CAMTA1: variants seen among roughly 807,000 people sequenced by gnomAD.
CAMTA1 encodes calmodulin-binding transcription activator 1.
CAMTA1 carries 27 observed loss-of-function variants against 170.9 expected under a neutral mutation model. That is an observed-to-expected ratio of 0.16 (90% CI 0.12 to 0.22). CAMTA1 has a LOEUF of 0.22. CAMTA1 is among the 10% of genes least tolerant of loss of function. The probability of loss-of-function intolerance (pLI) is 1.00; values close to 1 mark genes in which losing one functional copy is unlikely to be tolerated. For synonymous variants in CAMTA1, 833 were observed against 891.5 expected (o/e 0.93, Z 1.17); for missense variants, 1,619 against 2,217.2 (o/e 0.73, Z 5.42).
At chr1:7,232,401 G>A (rs541318918) in intron 4 of CAMTA1, among the ~76,000 whole-genome samples, 1 of 152,334 alleles carries the variant, frequency 6.6e-6, no homozygotes, top group East Asian at 1.9e-4. Context: ...CATGATTTAC[G>A]TCCGAGTGCG....
At position 7,752,508 on chromosome 1, in the gene CAMTA1, A is replaced by C; in HGVS notation, c.4933A>C (p.Arg1645=). The part of the protein sequence containing the change: ...KQDQAARKIM[R]FLRRCRHSPL... ...GGATCAAGCTGCTCGAAAAATAATGAGGTTTCTTCGCCGCTGTCGCCACAG... is the reference window on the plus strand; with the variant it reads ...GGATCAAGCTGCTCGAAAAATAATGCGGTTTCTTCGCCGCTGTCGCCACAG... The change falls in exon 21 of 23, where the codon AGG becomes CGG. Residue 1645 remains arginine (R), a synonymous_variant. Coordinates refer to ENST00000303635, the MANE Select transcript of CAMTA1 (RefSeq NM_015215.4). The C allele has an allele frequency of 1.2e-6, 2 of 1,611,734 alleles. No homozygotes were observed. Among genetic ancestry groups the C allele is most frequent in the Non-Finnish European group, 1.7e-6 (2 of 1,178,958 alleles).
At position 7,745,982 on chromosome 1, in the gene CAMTA1, C is replaced by A; in HGVS notation, c.4508C>A (p.Thr1503Asn). 1.2e-6 allele frequency: 2 copies of A among 1,614,190 alleles called. No homozygotes were observed. The highest frequency in any genetic ancestry group is 1.7e-6 in the Non-Finnish European group (2 of 1,180,042). ...TGGTCAGAATTCCTGAGTGCATCTA[C>A]CAGTGAGAAGGTAGAGAATGAGTTT... ...ADWSEFLSAS[T>N]SEKVENEFAQ... The change falls in exon 18 of 23, where the codon ACC becomes AAC. Residue 1503 changes from threonine (T) to asparagine (N), a missense_variant. Coordinates refer to ENST00000303635, the MANE Select transcript of CAMTA1 (RefSeq NM_015215.4).
intron 5 of CAMTA1, among the ~76,000 whole-genome samples, chr1:7,398,181 CTCTCTCTCTCTCTATATATA>C (rs1340962215): frequency 7.0e-4 from 32 of 45,552 alleles, no homozygotes; most frequent in African/African-American, 2.7e-3. Context: ...CTCTCTCTCT[CTCTCTCTCTCTCTATATATA>C]TATATATATA....
rs1200192825 is a variant in CAMTA1 at position 7,766,475 on chromosome 1, A to C, written c.5006A>C (p.Lys1669Thr). The change falls in exon 23 of 23, where the codon AAA becomes ACA. Residue 1669 changes from lysine (K) to threonine (T), a missense_variant. Physicochemically the swap from Lys to Thr is moderately conservative, Grantham distance 78. Coordinates refer to ENST00000303635, the MANE Select transcript of CAMTA1 (RefSeq NM_015215.4). ...RLYKRSERIE[K>T]GQGT Reference sequence around the variant, plus strand: ...CTCTTCCAGAGTGAAAGAATTGAAAAAGGCCAAGGAACTTGAAGACATACA... The same window carrying C: ...CTCTTCCAGAGTGAAAGAATTGAAACAGGCCAAGGAACTTGAAGACATACA... 6.2e-7 allele frequency: 1 copy of C among 1,614,160 alleles called. No individual in the cohort carries two copies. Among genetic ancestry groups the C allele is most frequent in the African/African-American group, 1.3e-5 (1 of 75,046 alleles).
Position 7,714,783 on chromosome 1 carries a change from A to G in CAMTA1, c.2915-17665A>G, listed in dbSNP as rs375651689. On this transcript the variant is annotated intron_variant, in intron 11 of 22. Transcript: ENST00000303635. ...GTGATCTTCCCGCCTCGGCCTCCCA[A>G]AATGCTGGGATTACAGGTGTGAGCC... Among the ~76,000 whole-genome samples the G allele has an allele frequency of 5.3e-5, 8 of 152,152 alleles. No individual in the cohort carries two copies. In the East Asian group the frequency reaches 1.2e-3, roughly 22 times the overall value.
chr1:7,408,983 A>T (rs945697972), intron 5 of CAMTA1, among the ~76,000 whole-genome samples: 1 of 151,822 alleles, frequency 6.6e-6, no homozygotes, highest in African/African-American at 2.4e-5. Flanking sequence ...GCTCCAGAAC[A>T]CTCCTCCTGT....
In CAMTA1 at chr1:7,103,187, C is replaced by T. The variant is rs139433169; in HGVS notation, c.302+11816C>T. Among the ~76,000 whole-genome samples, 837 of 152,084 alleles carry T rather than the reference C, an allele frequency of 5.5e-3. 11 individuals carry two copies. The highest frequency in any genetic ancestry group is 0.019 in the African/African-American group (802 of 41,458). On this transcript the variant is annotated intron_variant, in intron 4 of 22. Coordinates refer to ENST00000303635, the MANE Select transcript of CAMTA1 (RefSeq NM_015215.4). Reference sequence around the variant, plus strand: ...CCTACCTGAGTAGCTATTATTAACACCCTTGCCTGGTTGCCCTAGGGATGG... The same window carrying T: ...CCTACCTGAGTAGCTATTATTAACATCCTTGCCTGGTTGCCCTAGGGATGG...
At chr1:7,622,422 T>C (rs1490835136) in intron 6 of CAMTA1, among the ~76,000 whole-genome samples, 1 of 152,236 alleles carries the variant, frequency 6.6e-6, no homozygotes, top group Non-Finnish European at 1.5e-5. Flanking sequence ...GATAACAGAT[T>C]GGTGTATTCT....
At chr1:7,292,793 A>G (rs190634164) in intron 5 of CAMTA1, among the ~76,000 whole-genome samples, 5 of 152,292 alleles carry the variant, frequency 3.3e-5, no homozygotes, top group African/African-American at 2.4e-5. Context: ...ATTTTGTTCA[A>G]GTGAGTTCTT....
At chr1:7,560,839 G>C (rs951892578) in intron 6 of CAMTA1, among the ~76,000 whole-genome samples, 2 of 151,848 alleles carry the variant, frequency 1.3e-5, no homozygotes, top group African/African-American at 4.8e-5. Flanking sequence ...ACACACAAAG[G>C]CTGGGAGCTG....
chr1:7,286,626 T>G lies in CAMTA1; in HGVS notation c.438+37000T>G, dbSNP rs138064791. 6.6e-6 allele frequency among the ~76,000 whole-genome samples: 1 copy of G among 152,280 alleles called. No individual in the cohort carries two copies. The highest frequency in any genetic ancestry group is 2.4e-5 in the African/African-American group (1 of 41,564). ...TGCGTTTCTATAAGAAGTGGAGATA[T>G]TTGGAGCTGCTGGGCTAGAGTACAG... On this transcript the variant is annotated intron_variant, in intron 5 of 22. Coordinates refer to ENST00000303635, the MANE Select transcript of CAMTA1 (RefSeq NM_015215.4). This position sits in a 1 kb window ranked among gnomAD's most constrained non-coding sequence, Gnocchi z 4.2.
rs142146146 is a variant in CAMTA1 at position 7,503,575 on chromosome 1, A to G, written c.510+35674A>G. On this transcript the variant is annotated intron_variant, in intron 6 of 22. Transcript: ENST00000303635. ...AGACCTGGGCCTCATCTGCCTTTGC[A>G]GGGCATTTGGGAAGCACTTAGCCAG... Among the ~76,000 whole-genome samples, 8 of 152,246 alleles carry G rather than the reference A, an allele frequency of 5.3e-5. No homozygotes were observed. In the East Asian group the frequency reaches 1.6e-3, roughly 30 times the overall value.
At chr1:7,569,708 T>C (rs560643006) in intron 6 of CAMTA1, among the ~76,000 whole-genome samples, 19 of 151,452 alleles carry the variant, frequency 1.3e-4, no homozygotes, top group African/African-American at 4.6e-4. Context: ...ACCATCATCA[T>C]CACCACCATT....
intron 3 of CAMTA1, among the ~76,000 whole-genome samples, chr1:7,035,979 ATG>A (rs1703534795): frequency 6.6e-6 from 1 of 152,226 alleles, no homozygotes. Context: ...GCAAAAAGAA[ATG>A]TACAGCACGG....
At chr1:7,350,080 G>C (rs1324731742) in intron 5 of CAMTA1, among the ~76,000 whole-genome samples, 1 of 152,154 alleles carries the variant, frequency 6.6e-6, no homozygotes, top group African/African-American at 2.4e-5. Context: ...CCTCAACTGG[G>C]CTGGGGACCT....
At chr1:7,600,887 T>G (rs2095434996) in intron 6 of CAMTA1, among the ~76,000 whole-genome samples, 1 of 151,386 alleles carries the variant, frequency 6.6e-6, no homozygotes, top group Admixed American at 6.6e-5. Flanking sequence ...TACCTCTTTC[T>G]ACACAGACAT....
intron 6 of CAMTA1, among the ~76,000 whole-genome samples, chr1:7,559,039 A>C (rs1408744405): frequency 6.6e-6 from 1 of 152,192 alleles, no homozygotes; most frequent in Non-Finnish European, 1.5e-5. Flanking sequence ...AGGTGTCTGA[A>C]CTGAGAAGGA....
intron 18 of CAMTA1, among the ~76,000 whole-genome samples, chr1:7,746,843 G>A (rs1042634126): frequency 3.9e-5 from 6 of 152,114 alleles, no homozygotes; most frequent in Non-Finnish European, 7.4e-5. Context: ...CACAATGTTG[G>A]CCAGGCTGGT....
At chr1:7,273,704 C>A (rs1185792233) in intron 5 of CAMTA1, among the ~76,000 whole-genome samples, 1 of 152,124 alleles carries the variant, frequency 6.6e-6, no homozygotes, top group African/African-American at 2.4e-5. Flanking sequence ...CATTGAAGTA[C>A]ACTTCAAAGA....
Sources: allele counts gnomAD v4.1 joint callset (sites outside exome capture counted in the v4.1 genomes callset), GRCh38; gene constraint gnomAD v4.1.1; non-coding constraint Gnocchi (gnomAD v3.1); transcripts MANE v1.5; gene names NCBI Gene and HGNC (gene_info 2026-07-23, HGNC 2026-07-21).